Variants in COL24A1 observed in about 807,000 individuals in gnomAD.
COL24A1 encodes the protein collagen alpha-1(XXIV) chain.
A neutral mutation model predicts 253.9 loss-of-function variants in COL24A1; 224 were observed. The ratio of observed to expected loss-of-function variants is 0.88; its 90% CI spans 0.79 to 0.99. The LOEUF (loss-of-function observed/expected upper bound fraction) is 0.99. Among genes scored for constraint, COL24A1 ranks in the 50% least tolerant of loss-of-function variants. COL24A1 has a pLI of 0.00. For missense variants in COL24A1, 2,131 were observed against 2,068.5 expected (o/e 1.03, Z -0.59); for synonymous variants, 685 against 673.7 (o/e 1.02, Z -0.26).
intron 39 of COL24A1, 37 bp downstream of exon 39, chr1:85,847,628 A>G: frequency 6.8e-7 from 1 of 1,472,922 alleles, no homozygotes. Flanking sequence ...TTTCCCATCC[A>G]CAGTGACTCA....
chr1:86,156,286 G>C, intron 1 of COL24A1, 55 bp downstream of exon 1: 1 of 1,523,132 alleles, frequency 6.6e-7, no homozygotes, highest in Admixed American at 1.9e-5. Context: ...AGAACCAGGG[G>C]GTGGAGAGAG....
chr1:86,031,769 CA>C (rs1698591651), intron 14 of COL24A1, 108 bp downstream of exon 14: 11 of 783,452 alleles, frequency 1.4e-5, no homozygotes, highest in Non-Finnish European at 1.8e-5. Context: ...TGATAACCAA[CA>C]ATGACAGTAA....
intron 19 of COL24A1, among the ~76,000 whole-genome samples, chr1:86,008,545 T>C (rs917811402): frequency 6.6e-6 from 1 of 152,214 alleles, no homozygotes; most frequent in Admixed American, 6.5e-5. Context: ...CATGCCAGCA[T>C]TTACTTCATG....
At chr1:86,115,248 C>T (rs772173649) in intron 4 of COL24A1, 77 bp downstream of exon 4, 8 of 1,441,798 alleles carry the variant, frequency 5.5e-6, no homozygotes, top group Non-Finnish European at 5.8e-6. Flanking sequence ...GAAGTACATA[C>T]TGTACAATAC....
At chr1:85,806,420 CAG>C (rs1474361171) in intron 47 of COL24A1, among the ~76,000 whole-genome samples, 41 of 152,102 alleles carry the variant, frequency 2.7e-4, no homozygotes, top group Non-Finnish European at 4.7e-4. Context: ...GTAAAAGGGC[CAG>C]ACAGTAACTC....
chr1:85,858,096 T>C (rs1203727535), intron 37 of COL24A1, among the ~76,000 whole-genome samples: 2 of 152,212 alleles, frequency 1.3e-5, no homozygotes, highest in African/African-American at 4.8e-5. Context: ...ATCACTGTGT[T>C]TTCTCATTCC....
chr1:85,970,019 A>C (rs569565999), intron 22 of COL24A1, among the ~76,000 whole-genome samples: 29 of 152,320 alleles, frequency 1.9e-4, no homozygotes, highest in African/African-American at 6.5e-4. Flanking sequence ...CTGAAATAAC[A>C]AGTAACTATG....
chr1:85,809,099 A>G (rs949488912), intron 47 of COL24A1, among the ~76,000 whole-genome samples: 4 of 152,196 alleles, frequency 2.6e-5, no homozygotes, highest in African/African-American at 9.6e-5. Context: ...TAGTGATGTT[A>G]TCTATAGAAG....
At chr1:85,849,124 A>G (rs943414072) in intron 38 of COL24A1, among the ~76,000 whole-genome samples, 1 of 152,156 alleles carries the variant, frequency 6.6e-6, no homozygotes, top group African/African-American at 2.4e-5. Flanking sequence ...AGGAAAAGCC[A>G]AGATTTTTTA....
intron 43 of COL24A1, among the ~76,000 whole-genome samples, chr1:85,828,453 G>C (rs1282871645): frequency 1.3e-5 from 2 of 151,314 alleles, no homozygotes; most frequent in Non-Finnish European, 3.0e-5. Context: ...TTGGTGCAGA[G>C]CTGAGTTGAA....
intron 5 of COL24A1, among the ~76,000 whole-genome samples, chr1:86,098,910 G>A (rs773903673): frequency 6.6e-5 from 10 of 152,076 alleles, no homozygotes; most frequent in Non-Finnish European, 1.3e-4. Context: ...AAAAAAAATG[G>A]GGGAGGGGAA....
chr1:85,829,825 T>C (rs1473834265), intron 43 of COL24A1, among the ~76,000 whole-genome samples: 1 of 151,996 alleles, frequency 6.6e-6, no homozygotes, highest in Non-Finnish European at 1.5e-5. Flanking sequence ...TACATTCTTC[T>C]AAATTTTTTT....
chr1:86,092,488 T>C (rs896427821), intron 5 of COL24A1, among the ~76,000 whole-genome samples, 168 bp from the exon 6 acceptor site: 2 of 152,030 alleles, frequency 1.3e-5, no homozygotes, highest in Non-Finnish European at 2.9e-5. Context: ...TATATTTTTC[T>C]TAGCCTTATT....
At chr1:86,060,833 C>G (rs1571785030) in intron 8 of COL24A1, among the ~76,000 whole-genome samples, 1 of 151,800 alleles carries the variant, frequency 6.6e-6, no homozygotes, top group African/African-American at 2.4e-5. Context: ...AGATTATATC[C>G]TATGAATTTC....
Position 85,895,816 on chromosome 1 carries a change from C to T in COL24A1, c.2922+42G>A. On this transcript the variant is annotated intron_variant, in intron 31 of 59. Transcript: ENST00000370571. Reference sequence around the variant, plus strand: ...GAGCAGCCCCTTTCCCCCAAAAATGCAGATAAAAATTTTTCATAGCATGAT... The same window carrying T: ...GAGCAGCCCCTTTCCCCCAAAAATGTAGATAAAAATTTTTCATAGCATGAT... The T allele has an allele frequency of 1.9e-6, 3 of 1,539,872 alleles. No homozygotes were observed. In the South Asian group the frequency reaches 3.6e-5, roughly 18 times the overall value.
At chr1:86,115,258 C>A in intron 4 of COL24A1, 67 bp downstream of exon 4, 1 of 1,521,668 alleles carries the variant, frequency 6.6e-7, no homozygotes, top group Non-Finnish European at 9.1e-7. Flanking sequence ...CTGTACAATA[C>A]TAGAAAAAAC....
intron 24 of COL24A1, among the ~76,000 whole-genome samples, chr1:85,926,431 A>G (rs1687228496): frequency 1.3e-5 from 2 of 152,250 alleles, no homozygotes; most frequent in African/African-American, 2.4e-5. Flanking sequence ...ATGTCCATCA[A>G]TGACAGACTG....
intron 32 of COL24A1, among the ~76,000 whole-genome samples, 162 bp downstream of exon 32, chr1:85,889,398 C>G (rs987902999): frequency 6.6e-5 from 10 of 152,036 alleles, no homozygotes; most frequent in Non-Finnish European, 1.5e-4. Flanking sequence ...ACCAGAAAGG[C>G]ACTATAAACT....
At chr1:85,779,532 G>C (rs1436369990) in intron 52 of COL24A1, among the ~76,000 whole-genome samples, 1 of 152,096 alleles carries the variant, frequency 6.6e-6, no homozygotes, top group East Asian at 1.9e-4. Flanking sequence ...CCTGGTCTTG[G>C]ATGAGATAAT....
Sources: gnomAD v4.1 joint callset for allele counts (sites outside exome capture counted in the v4.1 genomes callset) on GRCh38, gnomAD v4.1.1 for gene constraint, MANE v1.5 for transcripts, NCBI Gene and HGNC (gene_info 2026-07-23, HGNC 2026-07-21) for gene names.